The following SPATA20 variants were observed in gnomAD, a reference collection of about 807,000 sequenced individuals.
SPATA20 encodes spermatogenesis associated 20, also known as spermatogenesis-associated protein 20.
In SPATA20, 74 loss-of-function variants were observed where a neutral mutation model predicts 98.9. The observed-to-expected ratio is 0.75, with a 90% CI of 0.62 to 0.91. The LOEUF (loss-of-function observed/expected upper bound fraction) is 0.91. Ranked by LOEUF, SPATA20 falls within the 40% of genes least tolerant of loss-of-function variation. The pLI, the probability that SPATA20 is intolerant of heterozygous loss-of-function variation, is 0.00. For missense variants in SPATA20, 1,016 were observed against 1,069.8 expected (o/e 0.95, Z 0.70); for synonymous variants, 430 against 440.5 (o/e 0.98, Z 0.30).
intron 14 of SPATA20, 74 bp from the exon 15 acceptor site, chr17:50,554,177 T>A: frequency 7.1e-7 from 1 of 1,404,448 alleles, no homozygotes; most frequent in Non-Finnish European, 1.0e-6. Flanking sequence ...TGGCCCTGGA[T>A]ACAGTCCTGG....
At chr17:50,547,520 C>T (rs2034932790) in intron 1 of SPATA20, 200 bp from the exon 2 acceptor site, 2 of 662,672 alleles carry the variant, frequency 3.0e-6, no homozygotes, top group Non-Finnish European at 2.7e-6. Context: ...AGTGCAGTGC[C>T]AGCTCCTCAG....
At chr17:50,553,170 C>A (rs1004540253) in intron 14 of SPATA20, among the ~76,000 whole-genome samples, 1 of 152,246 alleles carries the variant, frequency 6.6e-6, no homozygotes, top group African/African-American at 2.4e-5. Context: ...TTAAAGGTTT[C>A]TTTCCCAAAA....
rs755346841 is a variant in SPATA20 at position 50,550,651 on chromosome 17, G to T, written c.1173+41G>T. On this transcript the variant is annotated intron_variant, in intron 10 of 16. Transcript: ENST00000006658. ...GGCAGGCAGGCCTGGCTGTGGGAGG[G>T]GTTGGGGCCTCCACTGCCCTGTGGG... 2.5e-6 allele frequency: 4 copies of T among 1,612,338 alleles called. No individual in the cohort carries two copies. The Admixed American group carries it at 5.0e-5, about 20-fold the overall frequency.
Position 50,550,782 on chromosome 17 carries a change from C to T in SPATA20, c.1248C>T (p.Tyr416=). ...GCCAGCGGCCCAAAGAGGGCGCCTA[C>T]TATGTGTGGACGGTCAAAGAGGTTC... ...ERGQRPKEGA[Y]YVWTVKEVQQ... is the part of the protein sequence containing the mutation. The change falls in exon 11 of 17, where the codon TAC becomes TAT. Residue 416 remains tyrosine (Y), a synonymous_variant. Coordinates refer to ENST00000006658, the MANE Select transcript of SPATA20 (RefSeq NM_022827.4). The T allele has an allele frequency of 6.2e-7, 1 of 1,613,146 alleles. No homozygotes were observed. Among genetic ancestry groups the T allele is most frequent in the East Asian group, 2.2e-5 (1 of 44,880 alleles).
rs201018841 is a variant in SPATA20 at position 50,549,119 on chromosome 17, A to G, written c.593A>G (p.Tyr198Cys). Residue 198 changes from tyrosine (Y) to cysteine (C), a missense_variant, in exon 6 of 17, where the codon TAT becomes TGT. Transcript: ENST00000006658. Reference protein sequence around the residue: ...PNLQPFVGGTYFPPEDGLTRV... With the variant: ...PNLQPFVGGTCFPPEDGLTRV... ...CTCCAGCCCTTTGTCGGGGGCACCT[A>G]TTTCCCTCCTGAGGATGGCTTGACC... is the stretch of plus-strand genomic sequence containing the variant. The G allele has an allele frequency of 1.1e-5, 17 of 1,612,610 alleles. No individual in the cohort carries two copies. The highest frequency in any genetic ancestry group is 2.2e-5 in the South Asian group (2 of 90,950).
chr17:50,548,297 G>C lies in SPATA20; in HGVS notation c.140G>C (p.Arg47Pro). Reference protein sequence around the residue: ...HRSPSRGSSSRDKDRSATVSS... With the variant: ...HRSPSRGSSSPDKDRSATVSS... The stretch of plus-strand genomic sequence containing the variant: ...GTCCTCGCCAGGGGTAGCTCCTCCC[G>C]GGACAAGGACCGAAGTGCGACGGTC... The change falls in exon 3 of 17, where the codon CGG (arginine) becomes CCG (proline). Residue 47 changes from arginine to proline, a missense_variant. Physicochemically the swap from Arg to Pro is moderately radical, Grantham distance 103. Transcript: ENST00000006658. 2 of 1,613,438 alleles carry C rather than the reference G, an allele frequency of 1.2e-6. No individual in the cohort carries two copies. Among genetic ancestry groups the C allele is most frequent in the Non-Finnish European group, 1.7e-6 (2 of 1,179,828 alleles).
In SPATA20 at chr17:50,552,124, G is replaced by T. The variant is rs1409729030; in HGVS notation, c.1901G>T (p.Gly634Val). 1 of 1,613,832 alleles carries T rather than the reference G, an allele frequency of 6.2e-7. No individual in the cohort carries two copies. Among genetic ancestry groups the T allele is most frequent in the Admixed American group, 1.7e-5 (1 of 60,012 alleles). The change falls in exon 14 of 17, where the codon GGC becomes GTC. Residue 634 changes from glycine to valine, a missense_variant. Gly to Val is a moderately radical substitution (Grantham distance 109, BLOSUM62 -3). Transcript: ENST00000006658. The stretch of plus-strand genomic sequence containing the variant: ...CTCTTTTGGGACTCCCAGGGTGGCG[G>T]CTACTTCTGCAGTGAGGCTGAGCTG... ...DKLFWDSQGG[G>V]YFCSEAELGA...
In SPATA20 at chr17:50,555,816, C is replaced by T; in HGVS notation, c.*154C>T. 2 of 632,898 alleles carry T rather than the reference C, an allele frequency of 3.2e-6. No individual in the cohort carries two copies. The highest frequency in any genetic ancestry group is 2.8e-5 in the East Asian group (1 of 36,006). The allele number at this position is 632,898 out of a possible 1,614,324, so 39.2% of individuals were successfully genotyped here. A position where few individuals can be genotyped will look rare whatever the true frequency, so the allele number is the denominator to read the frequency against. On this transcript the variant is annotated 3_prime_UTR_variant, in exon 17 of 17. Coordinates refer to ENST00000006658, the MANE Select transcript of SPATA20 (RefSeq NM_022827.4). ...ACTCACTGCCCCCCTTGGGCACCCACTCACCCTAGAATAAACTTAACAGTG... is the reference window on the plus strand; with the variant it reads ...ACTCACTGCCCCCCTTGGGCACCCATTCACCCTAGAATAAACTTAACAGTG...
chr17:50,552,665 A>C (rs1454598008), intron 14 of SPATA20, among the ~76,000 whole-genome samples: 1 of 147,654 alleles, frequency 6.8e-6, no homozygotes. Context: ...GGGCTGAATC[A>C]ATTCTCCCAC....
At chr17:50,550,462 A>AG in intron 9 of SPATA20, 74 bp from the exon 10 acceptor site, 1 of 1,493,864 alleles carries the variant, frequency 6.7e-7, no homozygotes, top group Non-Finnish European at 9.3e-7. Context: ...CCTGCCTCAG[A>AG]GAATGTTGCC....
chr17:50,550,776 C>T lies in SPATA20; in HGVS notation c.1242C>T (p.Gly414=), dbSNP rs761733463. ...AGCGGGGCCAGCGGCCCAAAGAGGG[C>T]GCCTACTATGTGTGGACGGTCAAAG... The part of the protein sequence containing the change: ...PPERGQRPKE[G]AYYVWTVKEV... The change falls in exon 11 of 17, where the codon GGC becomes GGT. Residue 414 remains glycine, a synonymous_variant. Coordinates refer to ENST00000006658, the MANE Select transcript of SPATA20 (RefSeq NM_022827.4). 36 of 1,613,020 alleles carry T rather than the reference C, an allele frequency of 2.2e-5. No homozygotes were observed. In the East Asian group the frequency reaches 4.9e-4, roughly 22 times the overall value.
chr17:50,548,107 C>A (rs1312416387), intron 2 of SPATA20, 176 bp from the exon 3 acceptor site: 2 of 1,506,264 alleles, frequency 1.3e-6, no homozygotes, highest in Middle Eastern at 1.7e-4. Context: ...TCCTCACCCC[C>A]CAAAAAACAT....
intron 12 of SPATA20, 105 bp downstream of exon 12, chr17:50,551,295 A>G: frequency 1.6e-6 from 2 of 1,251,028 alleles, no homozygotes; most frequent in Non-Finnish European, 2.2e-6. Context: ...GATTAGCGTT[A>G]TTATTCTCAG....
chr17:50,549,269 GCCCCCA>G lies in SPATA20; in HGVS notation c.661-14_661-9del, dbSNP rs1468458447. The G allele has an allele frequency of 6.2e-7, 1 of 1,606,406 alleles. No homozygotes were observed. The highest frequency in any genetic ancestry group is 8.5e-7 in the Non-Finnish European group (1 of 1,174,936). ...CTCCCCCTAGCTGACCTCCAGGTGT[GCCCCCA>G]CCTCCCGCAGTGGAAACAGAACAAG... is the stretch of plus-strand genomic sequence containing the variant. On this transcript the variant is annotated splice_polypyrimidine_tract_variant and intron_variant, in intron 6 of 16. Transcript: ENST00000006658.
At chr17:50,549,634 C>A in intron 7 of SPATA20, 147 bp downstream of exon 7, 1 of 791,862 alleles carries the variant, frequency 1.3e-6, no homozygotes, top group Non-Finnish European at 2.0e-6. Context: ...CGGTAGCTAT[C>A]GGTGAAGACC....
chr17:50,550,006 C>T lies in SPATA20; in HGVS notation c.884C>T (p.Ser295Phe), dbSNP rs149192592. 1.3e-6 allele frequency: 2 copies of T among 1,559,170 alleles called. No individual in the cohort carries two copies. The highest frequency in any genetic ancestry group is 1.8e-5 in the Admixed American group (1 of 55,384). The stretch of plus-strand genomic sequence containing the variant: ...ACAGTGATCCTGAGCTTCCTGTTCT[C>T]CTACTGGCTCAGCCATCGACTGACT... ...PTPVILSFLF[S>F]YWLSHRLTQD... The change falls in exon 8 of 17, where the codon TCC becomes TTC. Residue 295 changes from serine (S) to phenylalanine (F), a missense_variant. By Grantham distance (155) the Ser-to-Phe change is radical (BLOSUM62 -2). Coordinates refer to ENST00000006658, the MANE Select transcript of SPATA20 (RefSeq NM_022827.4).
At position 50,547,946 on chromosome 17, in the gene SPATA20, G is replaced by GGGGGAGGGGCCT. The variant is rs200637741; in HGVS notation, c.125+189_125+200dup. The GGGGGAGGGGCCT allele has an allele frequency of 1.1e-4, 160 of 1,506,036 alleles. No individual in the cohort carries two copies. In the African/African-American group the frequency reaches 1.6e-3, roughly 15 times the overall value. 93.3% of individuals were successfully genotyped at this position (1,506,036 alleles called of 1,614,324 possible). A position where few individuals can be genotyped will look rare whatever the true frequency, so the allele number is the denominator to read the frequency against. ...CCAAGCAGCTGCTCCAGGAAGGGCC[G>GGGGGAGGGGCCT]GGGGAGGGGCCTGGGGAGGGGTAAG... On this transcript the variant is annotated intron_variant, in intron 2 of 16. Transcript: ENST00000006658.
intron 4 of SPATA20, 67 bp downstream of exon 4, chr17:50,548,685 TC>T: frequency 1.3e-6 from 2 of 1,593,430 alleles, no homozygotes; most frequent in Non-Finnish European, 1.7e-6. Flanking sequence ...GGGAGGGTCC[TC>T]TCGGCCTGGC....
At position 50,549,037 on chromosome 17, in the gene SPATA20, C is replaced by G; in HGVS notation, c.517-6C>G. ...GCTCCCCTCACCCTCGCCCTCTCTC[C>G]GCCAGGCCACCAGCAGCGGCGGGGG... On this transcript the variant is annotated splice_polypyrimidine_tract_variant and splice_region_variant and intron_variant, in intron 5 of 16. Transcript: ENST00000006658. 1 of 1,613,190 alleles carries G rather than the reference C, an allele frequency of 6.2e-7. No homozygotes were observed. Among genetic ancestry groups the G allele is most frequent in the East Asian group, 2.2e-5 (1 of 44,870 alleles).
Sources: gnomAD v4.1 joint callset for allele counts (sites outside exome capture counted in the v4.1 genomes callset) on GRCh38, gnomAD v4.1.1 for gene constraint, MANE v1.5 for transcripts, NCBI Gene and HGNC (gene_info 2026-07-23, HGNC 2026-07-21) for gene names.